Variants in TMEM94 observed in about 807,000 individuals in gnomAD.
TMEM94 encodes the protein ER Mg2+ ATPase.
A neutral mutation model predicts 158.6 loss-of-function variants in TMEM94; 81 were observed. That is an observed-to-expected ratio of 0.51 (90% CI 0.43 to 0.61). The LOEUF (loss-of-function observed/expected upper bound fraction) is 0.61. Among genes scored for constraint, TMEM94 ranks in the 20% least tolerant of loss-of-function variants. The probability of loss-of-function intolerance (pLI) is 0.00; values close to 1 mark genes in which losing one functional copy is unlikely to be tolerated. For synonymous variants in TMEM94, 751 were observed against 730.7 expected, an observed-to-expected ratio of 1.03 and a Z score of -0.45; for missense variants, 1,435 against 1,762.0, an observed-to-expected ratio of 0.81 and a Z score of 3.32.
At chr17:75,496,156 G>A (rs774209044) in intron 23 of TMEM94, 82 bp downstream of exon 23, 3 of 1,512,334 alleles carry the variant, frequency 2.0e-6, no homozygotes, top group Non-Finnish European at 1.8e-6. Flanking sequence ...GGGGCTGGGG[G>A]TGTGTACTAT....
At chr17:75,478,070 C>T (rs1354057442) in intron 2 of TMEM94, among the ~76,000 whole-genome samples, 1 of 99,774 alleles carries the variant, frequency 1.0e-5, no homozygotes, top group Non-Finnish European at 1.8e-5. Flanking sequence ...GGCTGGAGTG[C>T]AGTGGCGGGA....
At chr17:75,490,929 C>A in intron 11 of TMEM94, 120 bp from the exon 12 acceptor site, 1 of 952,836 alleles carries the variant, frequency 1.0e-6, no homozygotes, top group Non-Finnish European at 1.6e-6. Context: ...CACCCTGTCC[C>A]AGAGAAGTGC....
chr17:75,474,316 A>G (rs1346902200), intron 2 of TMEM94, among the ~76,000 whole-genome samples: 1 of 151,654 alleles, frequency 6.6e-6, no homozygotes, highest in Admixed American at 6.6e-5. Context: ...GACCAGCCTG[A>G]CCAAAATGGT....
At chr17:75,476,289 C>T (rs1009473619) in intron 2 of TMEM94, among the ~76,000 whole-genome samples, 1 of 152,176 alleles carries the variant, frequency 6.6e-6, no homozygotes, top group African/African-American at 2.4e-5. Flanking sequence ...ATCCTGGCTG[C>T]ATGGTGCCCC....
Position 75,500,286 on chromosome 17 carries a change from TGTTA to T in TMEM94, c.*956_*959del, listed in dbSNP as rs985580539. ...TCACGTGGAATGGTGTTTTCATTGG[TGTTA>T]GTTGGGGGAAGAGGTTAATGGTTAC... On this transcript the variant is annotated 3_prime_UTR_variant, in exon 32 of 32. Coordinates refer to ENST00000314256, the MANE Select transcript of TMEM94 (RefSeq NM_014738.6). 1 of 152,116 alleles carries T rather than the reference TGTTA, an allele frequency of 6.6e-6. No individual in the cohort carries two copies. Among genetic ancestry groups the T allele is most frequent in the Non-Finnish European group, 1.5e-5 (1 of 68,072 alleles). The allele number at this position is 152,116 out of a possible 1,614,324, so 9.4% of individuals were successfully genotyped here.
chr17:75,462,006 G>GTTTTTTTTT (rs1319139834), intron 1 of TMEM94, among the ~76,000 whole-genome samples: 25 of 100,422 alleles, frequency 2.5e-4, no homozygotes, highest in African/African-American at 4.4e-4. Flanking sequence ...GTTTTGTTTT[G>GTTTTTTTTT]TTTTGTTTTT....
intron 1 of TMEM94, among the ~76,000 whole-genome samples, chr17:75,467,175 A>G (rs923249934): frequency 6.6e-6 from 1 of 151,718 alleles, no homozygotes; most frequent in South Asian, 2.1e-4. Context: ...GGGTTTCACC[A>G]TGTTGTCCAG....
chr17:75,495,355 C>G lies in TMEM94; in HGVS notation c.2800C>G (p.Pro934Ala). ...CCACTCGGACCTCATCAGCTTCCAGCCTACGGACAGCGACATCCCCAGCTT... is the reference window on the plus strand; with the variant it reads ...CCACTCGGACCTCATCAGCTTCCAGGCTACGGACAGCGACATCCCCAGCTT... ...EGHSDLISFQ[P>A]TDSDIPSFLE... is the part of the protein sequence containing the mutation. The change falls in exon 21 of 32, where the codon CCT becomes GCT. Residue 934 changes from proline (P) to alanine (A), a missense_variant. Pro to Ala is a conservative substitution (Grantham distance 27). Coordinates refer to ENST00000314256, the MANE Select transcript of TMEM94 (RefSeq NM_014738.6). This position sits in a 1 kb window ranked among gnomAD's most constrained non-coding sequence, Gnocchi z 5.6. The G allele has an allele frequency of 6.2e-7, 1 of 1,613,958 alleles. No homozygotes were observed. The highest frequency in any genetic ancestry group is 8.5e-7 in the Non-Finnish European group (1 of 1,180,002).
chr17:75,462,380 T>A (rs752440170), intron 1 of TMEM94, among the ~76,000 whole-genome samples: 1 of 152,016 alleles, frequency 6.6e-6, no homozygotes, highest in African/African-American at 2.4e-5. Context: ...TCTTTGCATA[T>A]GGAGAAGCTA....
At chr17:75,493,176 AC>A in intron 16 of TMEM94, 74 bp downstream of exon 16, 1 of 1,467,360 alleles carries the variant, frequency 6.8e-7, no homozygotes, top group Non-Finnish European at 9.3e-7. Flanking sequence ...GCCCAGCCCC[AC>A]CCATTGCTAG....
At chr17:75,481,388 CG>C (rs1278916254) in intron 2 of TMEM94, among the ~76,000 whole-genome samples, 4 of 152,320 alleles carry the variant, frequency 2.6e-5, no homozygotes, top group African/African-American at 9.6e-5. Context: ...CTGTGGAGAG[CG>C]GGATTAGGTG....
At chr17:75,482,565 T>C (rs2051263611) in intron 2 of TMEM94, among the ~76,000 whole-genome samples, 1 of 140,112 alleles carries the variant, frequency 7.1e-6, no homozygotes, top group African/African-American at 3.0e-5. Context: ...TGTATGTATG[T>C]ATGTATAACC....
intron 2 of TMEM94, among the ~76,000 whole-genome samples, chr17:75,475,864 G>T (rs1215121638): frequency 5.9e-5 from 9 of 152,192 alleles, no homozygotes; most frequent in Admixed American, 5.9e-4. Context: ...GTCTTCAGAG[G>T]CCCTTTGGGC....
Position 75,485,599 on chromosome 17 carries a change from G to T in TMEM94, c.144+52G>T, listed in dbSNP as rs770693437. ...GGCCTGGCTGGGATGGCAGGGAAGT[G>T]TGGGAGGCCCCTTCTCAGGACTCTG... On this transcript the variant is annotated intron_variant, in intron 3 of 31. Coordinates refer to ENST00000314256, the MANE Select transcript of TMEM94 (RefSeq NM_014738.6). The surrounding 1 kb of genome is among the most constrained non-coding windows in gnomAD (Gnocchi z 5.5). 4 of 1,612,242 alleles carry T rather than the reference G, an allele frequency of 2.5e-6. No homozygotes were observed. In the South Asian group the frequency reaches 3.3e-5, roughly 13 times the overall value.
chr17:75,460,631 A>AG (rs58317972), intron 1 of TMEM94, among the ~76,000 whole-genome samples: 151,818 of 151,818 alleles, frequency 1, 75,909 homozygotes, highest in Non-Finnish European at 1. Flanking sequence ...CTTCCACCTT[A>AG]CCCCCTGAGT....
chr17:75,474,603 C>T (rs1171384267), intron 2 of TMEM94, among the ~76,000 whole-genome samples: 3 of 152,122 alleles, frequency 2.0e-5, no homozygotes, highest in African/African-American at 7.2e-5. Flanking sequence ...ATTGAGGTCA[C>T]ACCACTGCAC....
chr17:75,493,117 C>T lies in TMEM94; in HGVS notation c.2086+15C>T, dbSNP rs375974417. 3.5e-5 allele frequency: 57 copies of T among 1,610,612 alleles called. No individual in the cohort carries two copies. The African/African-American group carries it at 5.5e-4, about 15-fold the overall frequency. On this transcript the variant is annotated intron_variant, in intron 16 of 31. Transcript: ENST00000314256. ...CACCACCACCAGTGAGCCCTGGCTACGTTGGCCAGCACCAGGCGAGACCTT... is the reference window on the plus strand; with the variant it reads ...CACCACCACCAGTGAGCCCTGGCTATGTTGGCCAGCACCAGGCGAGACCTT...
At chr17:75,475,517 CCA>C (rs1254689938) in intron 2 of TMEM94, among the ~76,000 whole-genome samples, 1 of 152,206 alleles carries the variant, frequency 6.6e-6, no homozygotes, top group African/African-American at 2.4e-5. Flanking sequence ...GAGAAGTGTC[CCA>C]TCCACTCCCC....
At chr17:75,488,501 C>T (rs562058764) in intron 6 of TMEM94, among the ~76,000 whole-genome samples, 18 of 152,250 alleles carry the variant, frequency 1.2e-4, no homozygotes, top group Middle Eastern at 3.4e-3. Context: ...AGGCTGGTTT[C>T]GAACTCCTGA....
Sources: allele counts gnomAD v4.1 joint callset (sites outside exome capture counted in the v4.1 genomes callset), GRCh38; gene constraint gnomAD v4.1.1; non-coding constraint Gnocchi (gnomAD v3.1); transcripts MANE v1.5; gene names NCBI Gene and HGNC (gene_info 2026-07-23, HGNC 2026-07-21).